The following SCAI variants were observed in gnomAD, a reference collection of about 807,000 sequenced individuals.
SCAI encodes suppressor of cancer cell invasion.
Under a neutral mutation model 92.2 loss-of-function variants are expected in SCAI, and 24 were observed. The observed-to-expected ratio is 0.26, with a 90% CI of 0.19 to 0.37. The LOEUF (loss-of-function observed/expected upper bound fraction) is 0.37. Ranked by LOEUF, SCAI falls within the 10% of genes least tolerant of loss-of-function variation. The probability of loss-of-function intolerance (pLI) is 1.00; values close to 1 mark genes in which losing one functional copy is unlikely to be tolerated. For synonymous variants in SCAI, 261 were observed against 258.6 expected (o/e 1.01, Z -0.09); for missense variants, 450 against 736.2 (o/e 0.61, Z 4.50).
rs375628930 is a variant in SCAI at position 124,999,930 on chromosome 9, G to A, written c.1205C>T (p.Ala402Val). 1.9e-6 allele frequency: 3 copies of A among 1,596,540 alleles called. No homozygotes were observed. In the African/African-American group the frequency reaches 4.1e-5, roughly 22 times the overall value. The change falls in exon 13 of 18, where the codon GCC becomes GTC. Residue 402 changes from alanine (A) to valine (V), a missense_variant. This residue lies in a region of SCAI where 360 missense variants were observed against 601.8 expected (regional missense o/e 0.60). Coordinates refer to ENST00000336505, the MANE Select transcript of SCAI (RefSeq NM_001144877.3). ...GTGGGACTGATTTCGTTTGTGGATG[G>A]CATCTCCATTAATAATATCCCGGTT... is the stretch of plus-strand genomic sequence containing the variant. The part of the protein sequence containing the change: ...NSNRDIINGD[A>V]IHKRNQSHKE...
chr9:125,002,163 C>G, intron 11 of SCAI, 120 bp from the exon 12 acceptor site: 2 of 700,744 alleles, frequency 2.9e-6, no homozygotes, highest in Non-Finnish European at 5.0e-6. Flanking sequence ...TTGTCTTTTC[C>G]AAGAGAAGAA....
intron 13 of SCAI, among the ~76,000 whole-genome samples, chr9:124,998,711 T>TA (rs1832297159): frequency 6.6e-6 from 1 of 152,114 alleles, no homozygotes; most frequent in Non-Finnish European, 1.5e-5. Context: ...AACCTCGACC[T>TA]AATGGGTTCA....
chr9:125,069,099 C>T (rs1459447155), intron 2 of SCAI, among the ~76,000 whole-genome samples: 11 of 151,386 alleles, frequency 7.3e-5, no homozygotes, highest in African/African-American at 2.4e-4. Flanking sequence ...GCACCTGTAA[C>T]CCTAGCTACT....
At position 125,021,775 on chromosome 9, in the gene SCAI, C is replaced by CT. The variant is rs551554628; in HGVS notation, c.513-1007dup. 7.3e-4 allele frequency among the ~76,000 whole-genome samples: 110 copies of CT among 151,460 alleles called. 1 individual carries two copies. The South Asian group carries it at 0.021, about 29-fold the overall frequency. The stretch of plus-strand genomic sequence containing the variant: ...GTCTATTGATTGACAAACTTATTGA[C>CT]TTTTTTTTTGTTTAAGAGATGGAGT... On this transcript the variant is annotated intron_variant, in intron 6 of 17. Coordinates refer to ENST00000336505, the MANE Select transcript of SCAI (RefSeq NM_001144877.3).
At chr9:125,097,971 A>G (rs1202590093) in intron 2 of SCAI, among the ~76,000 whole-genome samples, 1 of 151,678 alleles carries the variant, frequency 6.6e-6, no homozygotes, top group Non-Finnish European at 1.5e-5. Flanking sequence ...TTATATGTAT[A>G]TAAATTCTGA....
chr9:125,092,131 TAAAAAAAAAAAAAAAAAA>T (rs71374225), intron 2 of SCAI, among the ~76,000 whole-genome samples: 14 of 61,142 alleles, frequency 2.3e-4, no homozygotes, highest in East Asian at 2.0e-3. Context: ...CTCCGTCTCT[TAAAAAAAAAAAAAAAAAA>T]AAAAAAAAAA....
At chr9:125,067,821 A>G (rs1161417595) in intron 2 of SCAI, among the ~76,000 whole-genome samples, 1 of 152,232 alleles carries the variant, frequency 6.6e-6, no homozygotes, top group Non-Finnish European at 1.5e-5. Context: ...ATGGGCAAAC[A>G]AGCAAAACAA....
At chr9:125,020,445 G>T (rs1222076797) in intron 7 of SCAI, among the ~76,000 whole-genome samples, 1 of 152,130 alleles carries the variant, frequency 6.6e-6, no homozygotes, top group Non-Finnish European at 1.5e-5. Context: ...AAAACATGCA[G>T]AAAGGACAAA....
Position 124,999,928 on chromosome 9 carries a change from TG to T in SCAI, c.1206del (p.Ile403SerfsTer50). On this transcript the variant is annotated frameshift_variant, in exon 13 of 18. Transcript: ENST00000336505. LOFTEE classifies it high-confidence loss of function. Reference protein sequence around the residue: ...NSNRDIINGDAIHKRNQSHKE... With the variant: ...NSNRDIINGDXIHKRNQSHKE... ...TTGTGGGACTGATTTCGTTTGTGGA[TG>T]GCATCTCCATTAATAATATCCCGGT... The T allele has an allele frequency of 6.3e-7, 1 of 1,597,336 alleles. No individual in the cohort carries two copies. The highest frequency in any genetic ancestry group is 8.6e-7 in the Non-Finnish European group (1 of 1,168,942).
At position 124,949,791 on chromosome 9, in the gene SCAI, G is replaced by C. The variant is rs934560827; in HGVS notation, c.*3016C>G. 6.6e-6 allele frequency: 1 copy of C among 152,184 alleles called. No individual in the cohort carries two copies. The highest frequency in any genetic ancestry group is 1.5e-5 in the Non-Finnish European group (1 of 68,042). 9.4% of individuals were successfully genotyped at this position (152,184 alleles called of 1,614,324 possible). Reference sequence around the variant, plus strand: ...TAGAATGTAAGCTTCATGAACATGAGGATTTTTAAGTCTATTTTGTTTGCT... The same window carrying C: ...TAGAATGTAAGCTTCATGAACATGACGATTTTTAAGTCTATTTTGTTTGCT... On this transcript the variant is annotated 3_prime_UTR_variant, in exon 18 of 18. Transcript: ENST00000336505. The surrounding 1 kb of genome is among the most constrained non-coding windows in gnomAD (Gnocchi z 4.0).
At chr9:125,055,362 T>G (rs562790484) in intron 3 of SCAI, among the ~76,000 whole-genome samples, 1 of 152,130 alleles carries the variant, frequency 6.6e-6, no homozygotes, top group South Asian at 2.1e-4. Flanking sequence ...AATAGCATGG[T>G]TTATAACACC....
At chr9:125,079,582 G>A (rs1198106625) in intron 2 of SCAI, among the ~76,000 whole-genome samples, 1 of 151,308 alleles carries the variant, frequency 6.6e-6, no homozygotes, top group Non-Finnish European at 1.5e-5. Flanking sequence ...AAAAATGCCT[G>A]GTTTTTTTTT....
intron 2 of SCAI, among the ~76,000 whole-genome samples, chr9:125,102,884 CA>C (rs1834707107): frequency 6.6e-6 from 1 of 152,150 alleles, no homozygotes; most frequent in South Asian, 2.1e-4. Flanking sequence ...AGGCGTGAGG[CA>C]CCGCGCCCAG....
intron 2 of SCAI, among the ~76,000 whole-genome samples, chr9:125,128,180 G>T: frequency 6.6e-6 from 1 of 152,138 alleles, no homozygotes; most frequent in Admixed American, 6.6e-5. Context: ...AAAACCTGCC[G>T]GGCACAGTGG....
intron 17 of SCAI, among the ~76,000 whole-genome samples, chr9:124,959,513 T>TATACACACATAC (rs1793082370): frequency 7.0e-6 from 1 of 142,540 alleles, no homozygotes; most frequent in Admixed American, 6.9e-5. Flanking sequence ...CACATATATA[T>TATACACACATAC]ATATACACAC....
At chr9:125,126,388 TGGGG>T (rs10562845) in intron 2 of SCAI, among the ~76,000 whole-genome samples, 1 of 141,642 alleles carries the variant, frequency 7.1e-6, no homozygotes, top group Non-Finnish European at 1.6e-5. Context: ...CAAAGTGAGT[TGGGG>T]GTGTGTGTGT....
intron 2 of SCAI, among the ~76,000 whole-genome samples, chr9:125,093,079 G>A (rs1378181614): frequency 2.0e-5 from 3 of 152,264 alleles, no homozygotes; most frequent in African/African-American, 4.8e-5. Flanking sequence ...CATCATTTCC[G>A]GCTGGGCACG....
chr9:125,102,256 C>G (rs148806199), intron 2 of SCAI, among the ~76,000 whole-genome samples: 2 of 152,116 alleles, frequency 1.3e-5, no homozygotes, highest in Non-Finnish European at 2.9e-5. Context: ...TCCTTTTTCC[C>G]AAGTCTACTT....
intron 2 of SCAI, among the ~76,000 whole-genome samples, chr9:125,067,402 A>G (rs1427692164): frequency 1.3e-5 from 2 of 152,190 alleles, no homozygotes; most frequent in African/African-American, 2.4e-5. Context: ...AGACACAGAG[A>G]CAGACACACA....
Sources: gnomAD v4.1 joint callset for allele counts (sites outside exome capture counted in the v4.1 genomes callset) on GRCh38, gnomAD v4.1.1 for gene constraint, gnomAD v4.1.1 regional missense constraint, Gnocchi (gnomAD v3.1) non-coding constraint, MANE v1.5 for transcripts, NCBI Gene and HGNC (gene_info 2026-07-23, HGNC 2026-07-21) for gene names.